The following USP31 variants were observed in gnomAD, a reference collection of about 807,000 sequenced individuals.
The protein encoded by USP31 is ubiquitin carboxyl-terminal hydrolase 31.
USP31 carries 44 observed loss-of-function variants against 119.4 expected under a neutral mutation model. That is an observed-to-expected ratio of 0.37 (90% confidence interval 0.29 to 0.47). USP31 has a LOEUF of 0.47. USP31 is among the 20% of genes least tolerant of loss of function. The probability of loss-of-function intolerance (pLI) is 0.99; values close to 1 mark genes in which losing one functional copy is unlikely to be tolerated. For synonymous variants in USP31, 749 were observed against 705.6 expected, an observed-to-expected ratio of 1.06 and a Z score of -0.97; for missense variants, 1,643 against 1,730.2, an observed-to-expected ratio of 0.95 and a Z score of 0.89.
At chr16:23,120,442 C>T (rs963894957) in intron 1 of USP31, among the ~76,000 whole-genome samples, 4 of 152,148 alleles carry the variant, frequency 2.6e-5, no homozygotes, top group Non-Finnish European at 4.4e-5. Context: ...GAGCTTTAAA[C>T]GAAAGTTTTC....
chr16:23,073,860 CCA>C lies in USP31; in HGVS notation c.2195_2196del (p.Val732GlyfsTer9). 1 of 1,614,072 alleles carries C rather than the reference CCA, an allele frequency of 6.2e-7. No homozygotes were observed. On this transcript the variant is annotated frameshift_variant, in exon 14 of 16. Transcript: ENST00000219689. LOFTEE classifies it high-confidence loss of function. ...TCATCGAAGCAGTACCAGAGGCCGT[CCA>C]CAGAGTTCTTACAGTACGCTGCCAA... ...GHYTAYCKNSVDGLWYCFDDS... is the reference protein window; with the variant it reads ...GHYTAYCKNSXDGLWYCFDDS...
At chr16:23,137,202 G>GACGTCT (rs1361126906) in intron 1 of USP31, among the ~76,000 whole-genome samples, 2 of 152,096 alleles carry the variant, frequency 1.3e-5, no homozygotes, top group African/African-American at 4.8e-5. Context: ...GACAGAGCAA[G>GACGTCT]ACCCTGTCTC....
At position 23,148,761 on chromosome 16, in the gene USP31, A is replaced by C. The variant is rs1479907690; in HGVS notation, c.510T>G (p.Pro170=). The change falls in exon 1 of 16, where the codon CCT becomes CCG. Residue 170 remains proline (P), a synonymous_variant. Coordinates refer to ENST00000219689, the MANE Select transcript of USP31 (RefSeq NM_020718.4). ...QYRAGRPEPS[P]DPEQPAGRGA... is the part of the protein sequence containing the mutation. ...CGCGGCCCGCAGGCTGCTCCGGGTCAGGCGAGGGCTCGGGCCGCCCCGCCC... is the reference window on the plus strand; with the variant it reads ...CGCGGCCCGCAGGCTGCTCCGGGTCCGGCGAGGGCTCGGGCCGCCCCGCCC... 3 of 1,519,362 alleles carry C rather than the reference A, an allele frequency of 2.0e-6. No homozygotes were observed. In the African/African-American group the frequency reaches 4.3e-5, roughly 22 times the overall value. 94.1% of individuals were successfully genotyped at this position (1,519,362 alleles called of 1,614,324 possible).
rs897231927 is a variant in USP31 at position 23,066,139 on chromosome 16, A to G, written c.*1907T>C. On this transcript the variant is annotated 3_prime_UTR_variant, in exon 16 of 16. Transcript: ENST00000219689. ...TGCTTTGAGAACCCACCAAAATCTG[A>G]ACAGTAAAACCAGGACAGCGAGTGA... 1 of 152,274 alleles carries G rather than the reference A, an allele frequency of 6.6e-6. No homozygotes were observed. The highest frequency in any genetic ancestry group is 2.4e-5 in the African/African-American group (1 of 41,452). The allele number at this position is 152,274 out of a possible 1,614,324, so 9.4% of individuals were successfully genotyped here. A position where few individuals can be genotyped will look rare whatever the true frequency, so the allele number is the denominator to read the frequency against.
chr16:23,098,662 A>C (rs1396211979), intron 6 of USP31, among the ~76,000 whole-genome samples: 1 of 152,232 alleles, frequency 6.6e-6, no homozygotes, highest in African/African-American at 2.4e-5. Context: ...CTCAGAAGTA[A>C]CACCACACAT....
chr16:23,068,909 C>T lies in USP31; in HGVS notation c.3196G>A (p.Val1066Ile). 1 of 1,612,444 alleles carries T rather than the reference C, an allele frequency of 6.2e-7. No homozygotes were observed. The highest frequency in any genetic ancestry group is 1.1e-5 in the South Asian group (1 of 90,790). Residue 1066 changes from valine (V) to isoleucine (I), a missense_variant, in exon 16 of 16, where the codon GTC (valine) becomes ATC (isoleucine). Coordinates refer to ENST00000219689, the MANE Select transcript of USP31 (RefSeq NM_020718.4). ...TSPSSPLPVK[V>I]SLKPSRSRSK... Reference sequence around the variant, plus strand: ...CGGGAGCGGGAGGGCTTTAGAGAGACTTTTACAGGAAGAGGAGAAGAAGGG... The same window carrying T: ...CGGGAGCGGGAGGGCTTTAGAGAGATTTTTACAGGAAGAGGAGAAGAAGGG...
chr16:23,135,835 T>G (rs1222225668), intron 1 of USP31, among the ~76,000 whole-genome samples: 1 of 152,152 alleles, frequency 6.6e-6, no homozygotes, highest in Non-Finnish European at 1.5e-5. Flanking sequence ...AAGTCCATCC[T>G]AAAATTAATA....
chr16:23,080,437 G>A (rs1300607403), intron 12 of USP31, among the ~76,000 whole-genome samples: 1 of 152,078 alleles, frequency 6.6e-6, no homozygotes, highest in African/African-American at 2.4e-5. Flanking sequence ...ATCTGTTAAA[G>A]GGCTTTAAAG....
At chr16:23,071,186 C>CAGCT (rs1331931082) in intron 15 of USP31, among the ~76,000 whole-genome samples, 2 of 152,212 alleles carry the variant, frequency 1.3e-5, no homozygotes, top group Non-Finnish European at 2.9e-5. Flanking sequence ...AGCTATGGTG[C>CAGCT]AGCTCTCTTC....
chr16:23,073,221 C>G (rs547680225), intron 14 of USP31, among the ~76,000 whole-genome samples: 1 of 152,184 alleles, frequency 6.6e-6, no homozygotes, highest in African/African-American at 2.4e-5. Context: ...CTTCTCCTAA[C>G]AGAATAGTCC....
chr16:23,092,317 A>G (rs1231108669), intron 6 of USP31, among the ~76,000 whole-genome samples: 3 of 152,226 alleles, frequency 2.0e-5, no homozygotes, highest in Non-Finnish European at 2.9e-5. Context: ...CTGGGGTGGG[A>G]ACAGGATTTT....
In USP31 at chr16:23,102,917, A is replaced by T. The variant is rs1233389599; in HGVS notation, c.1090-454T>A. Among the ~76,000 whole-genome samples the T allele has an allele frequency of 2.6e-5, 4 of 152,240 alleles. No individual in the cohort carries two copies. The East Asian group carries it at 7.7e-4, about 29-fold the overall frequency. On this transcript the variant is annotated intron_variant, in intron 5 of 15. Transcript: ENST00000219689. Reference sequence around the variant, plus strand: ...TATCCATAAAATAAAAAGTAAAAATAAATAAAGTATACAGGATGATATGCT... The same window carrying T: ...TATCCATAAAATAAAAAGTAAAAATTAATAAAGTATACAGGATGATATGCT...
chr16:23,062,246 A>G lies in USP31; in HGVS notation c.*5800T>C, dbSNP rs1307110229. On this transcript the variant is annotated 3_prime_UTR_variant, in exon 16 of 16. Transcript: ENST00000219689. ...TAGTGCATTCAGCTCACCACAGATTAAAACTAAATTTTATTTGCCTCCACA... is the reference window on the plus strand; with the variant it reads ...TAGTGCATTCAGCTCACCACAGATTGAAACTAAATTTTATTTGCCTCCACA... 6.6e-6 allele frequency: 1 copy of G among 152,500 alleles called. No individual in the cohort carries two copies. The highest frequency in any genetic ancestry group is 1.9e-4 in the East Asian group (1 of 5,202). The allele number at this position is 152,500 out of a possible 1,614,324, so 9.4% of individuals were successfully genotyped here. A position where few individuals can be genotyped will look rare whatever the true frequency, so the allele number is the denominator to read the frequency against.
At chr16:23,091,589 C>G (rs1017089656) in intron 6 of USP31, among the ~76,000 whole-genome samples, 1 of 152,140 alleles carries the variant, frequency 6.6e-6, no homozygotes, top group African/African-American at 2.4e-5. Flanking sequence ...TACAAATGGC[C>G]TACACAAAAG....
At chr16:23,110,961 T>A (rs558822426) in intron 1 of USP31, among the ~76,000 whole-genome samples, 9 of 152,084 alleles carry the variant, frequency 5.9e-5, no homozygotes, top group African/African-American at 2.2e-4. Flanking sequence ...ACCCCGTCTC[T>A]ACTAAAAATA....
intron 15 of USP31, 60 bp downstream of exon 15, chr16:23,071,985 G>A: frequency 6.4e-7 from 1 of 1,552,870 alleles, no homozygotes; most frequent in Non-Finnish European, 8.7e-7. Flanking sequence ...AAAACACGAG[G>A]GACTCTGCTG....
At chr16:23,080,273 G>C (rs1240646726) in intron 12 of USP31, 102 bp from the exon 13 acceptor site, 14 of 972,006 alleles carry the variant, frequency 1.4e-5, no homozygotes, top group Non-Finnish European at 3.0e-6. Flanking sequence ...AGCGGTGTGA[G>C]TTACCTATCT....
rs1337286950 is a variant in USP31 at position 23,062,835 on chromosome 16, T to C, written c.*5211A>G. 1 of 152,596 alleles carries C rather than the reference T, an allele frequency of 6.6e-6. No individual in the cohort carries two copies. The highest frequency in any genetic ancestry group is 1.5e-5 in the Non-Finnish European group (1 of 68,026). 9.5% of individuals were successfully genotyped at this position (152,596 alleles called of 1,614,324 possible). A position where few individuals can be genotyped will look rare whatever the true frequency, so the allele number is the denominator to read the frequency against. On this transcript the variant is annotated 3_prime_UTR_variant, in exon 16 of 16. Coordinates refer to ENST00000219689, the MANE Select transcript of USP31 (RefSeq NM_020718.4). ...CAAATGGGAGTTTGATATCAGTATCTCTCAATTCTTTTTATTCTTATTTTT... is the reference window on the plus strand; with the variant it reads ...CAAATGGGAGTTTGATATCAGTATCCCTCAATTCTTTTTATTCTTATTTTT...
At chr16:23,087,873 G>C in intron 7 of USP31, 38 bp from the exon 8 acceptor site, 3 of 1,533,510 alleles carry the variant, frequency 2.0e-6, no homozygotes, top group Non-Finnish European at 9.0e-7. Context: ...TTTAAAGTAC[G>C]GTAATTCCTT....
Sources: gnomAD v4.1 joint callset for allele counts (sites outside exome capture counted in the v4.1 genomes callset) on GRCh38, gnomAD v4.1.1 for gene constraint, MANE v1.5 for transcripts, NCBI Gene and HGNC (gene_info 2026-07-23, HGNC 2026-07-21) for gene names.